Variants in PACS2 observed in about 807,000 individuals in gnomAD.
PACS2 encodes PACS1-like protein.
PACS2 carries 36 observed loss-of-function variants against 113.0 expected under a neutral mutation model. The ratio of observed to expected loss-of-function variants is 0.32; its 90% CI spans 0.24 to 0.42. The LOEUF is 0.42. Ranked by LOEUF, PACS2 falls within the 10% of genes least tolerant of loss-of-function variation. PACS2 has a pLI of 1.00. For synonymous variants in PACS2, 589 were observed against 536.1 expected, an observed-to-expected ratio of 1.10 and a Z score of -1.36; for missense variants, 1,015 against 1,239.5, an observed-to-expected ratio of 0.82 and a Z score of 2.72.
Position 105,384,109 on chromosome 14 carries a change from G to T in PACS2, c.1781-244G>T. On this transcript the variant is annotated intron_variant, in intron 16 of 24. Coordinates refer to ENST00000447393, the MANE Select transcript of PACS2 (RefSeq NM_001100913.3). ...CTGCACGGTCACATGTGCCCTGCTG[G>T]GCCTTCCTCAGTGGCACTCAGGGCT... 7.7e-6 allele frequency: 4 copies of T among 518,032 alleles called. 1 individual carries two copies. In the South Asian group the frequency reaches 8.5e-5, roughly 11 times the overall value. 32.1% of individuals were successfully genotyped at this position (518,032 alleles called of 1,614,324 possible).
chr14:105,392,574 A>G (rs782361657), intron 22 of PACS2, 45 bp from the exon 23 acceptor site: 1 of 1,497,262 alleles, frequency 6.7e-7, no homozygotes, highest in East Asian at 2.4e-5. Context: ...CCCCATCACT[A>G]GGCCCAAAGA....
At chr14:105,347,449 G>T (rs1427687668) in intron 1 of PACS2, among the ~76,000 whole-genome samples, 5 of 152,122 alleles carry the variant, frequency 3.3e-5, no homozygotes, top group Non-Finnish European at 7.4e-5. Context: ...GCGTTCCATG[G>T]CCTGACTGTG....
At position 105,329,093 on chromosome 14, in the gene PACS2, G is replaced by A. The variant is rs1019608836; in HGVS notation, c.119+14056G>A. Among the ~76,000 whole-genome samples, 8 of 152,234 alleles carry A rather than the reference G, an allele frequency of 5.3e-5. No individual in the cohort carries two copies. Among genetic ancestry groups the A allele is most frequent in the African/African-American group, 1.9e-4 (8 of 41,456 alleles). On this transcript the variant is annotated intron_variant, in intron 1 of 24. Transcript: ENST00000447393. This position sits in a 1 kb window ranked among gnomAD's most constrained non-coding sequence, Gnocchi z 6.4. ...GAGATTAGAGGGAGGACTCCCTGGAGGCTGGCCCTGCGCCCTGGAGGCCAG... is the reference window on the plus strand; with the variant it reads ...GAGATTAGAGGGAGGACTCCCTGGAAGCTGGCCCTGCGCCCTGGAGGCCAG...
rs1416387610 is a variant in PACS2 at position 105,356,723 on chromosome 14, G to T, written c.423+1546G>T. ...TGTTTCCCATTAGCCATGCAGGCGA[G>T]GTCCTGCTGATCCCTGCCGGTCCCT... On this transcript the variant is annotated intron_variant, in intron 4 of 24. Coordinates refer to ENST00000447393, the MANE Select transcript of PACS2 (RefSeq NM_001100913.3). This position sits in a 1 kb window ranked among gnomAD's most constrained non-coding sequence, Gnocchi z 4.0. Among the ~76,000 whole-genome samples, 14 of 113,402 alleles carry T rather than the reference G, an allele frequency of 1.2e-4. No homozygotes were observed. The highest frequency in any genetic ancestry group is 3.2e-4 in the South Asian group (1 of 3,164). 74.4% of individuals were successfully genotyped at this position (113,402 alleles called of 152,430 possible). A position where few individuals can be genotyped will look rare whatever the true frequency, so the allele number is the denominator to read the frequency against.
At position 105,355,314 on chromosome 14, in the gene PACS2, G is replaced by T. The variant is rs781857652; in HGVS notation, c.423+137G>T. On this transcript the variant is annotated intron_variant, in intron 4 of 24. Coordinates refer to ENST00000447393, the MANE Select transcript of PACS2 (RefSeq NM_001100913.3). The surrounding 1 kb of genome is among the most constrained non-coding windows in gnomAD (Gnocchi z 4.1). The stretch of plus-strand genomic sequence containing the variant: ...TGAAAATGATGAGAGGAGCCTGGGC[G>T]GCCGGGCTCCGCCATAAGGGCCAGG... The T allele has an allele frequency of 1.8e-6, 2 of 1,102,110 alleles. No homozygotes were observed. Among genetic ancestry groups the T allele is most frequent in the African/African-American group, 1.6e-5 (1 of 63,022 alleles). The allele number at this position is 1,102,110 out of a possible 1,614,324, so 68.3% of individuals were successfully genotyped here.
intron 19 of PACS2, among the ~76,000 whole-genome samples, chr14:105,386,048 C>G (rs782567841): frequency 6.6e-6 from 1 of 152,238 alleles, no homozygotes; most frequent in African/African-American, 2.4e-5. Flanking sequence ...GCCAGGCAGG[C>G]CTTTCCCCGG....
chr14:105,310,812 C>T (rs185955401), upstream of PACS2, among the ~76,000 whole-genome samples: 3 of 152,296 alleles, frequency 2.0e-5, no homozygotes, highest in Admixed American at 1.3e-4. Flanking sequence ...TCAATGGAAT[C>T]CCCATCACAC....
intron 1 of PACS2, among the ~76,000 whole-genome samples, chr14:105,303,010 C>T (rs587622619): frequency 6.6e-6 from 1 of 151,974 alleles, no homozygotes; most frequent in East Asian, 1.9e-4. Context: ...CTCACTGCAA[C>T]TTCCACCTCC....
intron 17 of PACS2, 29 bp downstream of exon 17, chr14:105,384,492 G>A (rs368739960): frequency 9.9e-5 from 147 of 1,478,376 alleles, no homozygotes; most frequent in Non-Finnish European, 1.2e-4. Flanking sequence ...CACAGCCCAC[G>A]CCACGGCGGG....
intron 1 of PACS2, among the ~76,000 whole-genome samples, chr14:105,303,376 T>C (rs1161066195): frequency 2.6e-5 from 4 of 152,204 alleles, no homozygotes; most frequent in African/African-American, 9.7e-5. Context: ...CCCAAGTAGC[T>C]GGGACTACAG....
chr14:105,310,301 C>T (rs1007278361), upstream of PACS2, among the ~76,000 whole-genome samples: 20 of 150,772 alleles, frequency 1.3e-4, no homozygotes, highest in Admixed American at 5.9e-4. Context: ...GAGGTCGAGG[C>T]GGGCGGATCA....
At chr14:105,328,317 G>T (rs2059195140) in intron 1 of PACS2, among the ~76,000 whole-genome samples, 1 of 152,216 alleles carries the variant, frequency 6.6e-6, no homozygotes, top group Non-Finnish European at 1.5e-5. Flanking sequence ...GGAGAATGTG[G>T]TCCCTTCAGA....
chr14:105,308,937 G>A (rs746481832), intron 1 of PACS2, among the ~76,000 whole-genome samples: 1 of 151,908 alleles, frequency 6.6e-6, no homozygotes. Flanking sequence ...TGGCACCACT[G>A]CACTCCAGCC....
chr14:105,315,932 A>T lies in PACS2; in HGVS notation c.119+895A>T, dbSNP rs1222428542. On this transcript the variant is annotated intron_variant, in intron 1 of 24. Coordinates refer to ENST00000447393, the MANE Select transcript of PACS2 (RefSeq NM_001100913.3). This position sits in a 1 kb window ranked among gnomAD's most constrained non-coding sequence, Gnocchi z 4.4. ...TGAGAGTTCTCCCTGGGGAGATGGG[A>T]GGGTGAGCGGACCTTCCAGGCACTG... is the stretch of plus-strand genomic sequence containing the variant. Among the ~76,000 whole-genome samples, 1 of 152,164 alleles carries T rather than the reference A, an allele frequency of 6.6e-6. No individual in the cohort carries two copies. The highest frequency in any genetic ancestry group is 1.5e-5 in the Non-Finnish European group (1 of 68,010).
Position 105,393,215 on chromosome 14 carries a change from C to T in PACS2, c.2483-7C>T, listed in dbSNP as rs782751111. The T allele has an allele frequency of 8.7e-6, 14 of 1,606,802 alleles. No homozygotes were observed. The highest frequency in any genetic ancestry group is 4.4e-5 in the South Asian group (4 of 90,964). ...AGATGACAGCAGGGCCTCTTTTCTC[C>T]TCCCAGTGATGTTTCTGCCCAAGAA... On this transcript the variant is annotated splice_polypyrimidine_tract_variant and splice_region_variant and intron_variant, in intron 23 of 24. Coordinates refer to ENST00000447393, the MANE Select transcript of PACS2 (RefSeq NM_001100913.3).
chr14:105,394,170 C>T (rs1197673207), intron 24 of PACS2: 6 of 984,310 alleles, frequency 6.1e-6, no homozygotes, highest in Non-Finnish European at 4.8e-6. Flanking sequence ...GCCCTGTCTC[C>T]CCACAGGGGT....
intron 20 of PACS2, chr14:105,390,277 C>A: frequency 2.0e-6 from 1 of 503,230 alleles, no homozygotes; most frequent in Non-Finnish European, 3.6e-6. Flanking sequence ...CTCAGAACAC[C>A]CAGGAGGCTT....
chr14:105,368,278 C>T (rs1444330129), intron 6 of PACS2, 131 bp downstream of exon 6: 10 of 819,936 alleles, frequency 1.2e-5, no homozygotes, highest in African/African-American at 5.1e-5. Context: ...CCTGGTTGGC[C>T]GCCCATCTCT....
chr14:105,338,113 G>A (rs373889875), intron 1 of PACS2, among the ~76,000 whole-genome samples: 7 of 152,230 alleles, frequency 4.6e-5, no homozygotes, highest in African/African-American at 1.4e-4. Flanking sequence ...GGGGCCTGGC[G>A]CTGGCCCGGT....
Sources: gnomAD v4.1 joint callset for allele counts (sites outside exome capture counted in the v4.1 genomes callset) on GRCh38, gnomAD v4.1.1 for gene constraint, Gnocchi (gnomAD v3.1) non-coding constraint, MANE v1.5 for transcripts, NCBI Gene and HGNC (gene_info 2026-07-23, HGNC 2026-07-21) for gene names.